Variants in EVL observed in about 807,000 individuals in gnomAD.
EVL encodes ena/VASP-like protein.
In EVL, 21 loss-of-function variants were observed where a neutral mutation model predicts 59.6. The ratio of observed to expected loss-of-function variants is 0.35; its 90% CI spans 0.25 to 0.51. The LOEUF (loss-of-function observed/expected upper bound fraction) is 0.51. EVL is among the 20% of genes least tolerant of loss of function. The pLI is 0.97. For synonymous variants in EVL, 198 were observed against 203.5 expected (o/e 0.97, Z 0.23); for missense variants, 462 against 546.6 (o/e 0.85, Z 1.54).
chr14:100,081,513 CAAAAAAAAA>C (rs34871876), intron 1 of EVL, among the ~76,000 whole-genome samples: 1 of 122,424 alleles, frequency 8.2e-6, no homozygotes, highest in African/African-American at 2.9e-5. Context: ...TTAACAACAG[CAAAAAAAAA>C]AAAAAAAAAG....
chr14:100,014,554 C>T (rs2140195151), intron 1 of EVL, among the ~76,000 whole-genome samples: 2 of 152,288 alleles, frequency 1.3e-5, no homozygotes, highest in Middle Eastern at 6.8e-3. Context: ...TAGGTTGCTT[C>T]CAAATCTTGG....
At chr14:100,102,382 A>G (rs1886278080) in intron 3 of EVL, 1 of 455,928 alleles carries the variant, frequency 2.2e-6, no homozygotes, top group African/African-American at 2.0e-5. Context: ...GTCATGTGGT[A>G]TGTTCCAGGC....
At chr14:100,043,787 A>T (rs1270357215) in intron 1 of EVL, among the ~76,000 whole-genome samples, 1 of 151,158 alleles carries the variant, frequency 6.6e-6, no homozygotes, top group Non-Finnish European at 1.5e-5. Context: ...TAATTTTTAA[A>T]TTTTTTTGTA....
At chr14:100,065,554 G>T in intron 1 of EVL, 43 bp downstream of exon 1, 1 of 1,262,812 alleles carries the variant, frequency 7.9e-7, no homozygotes, top group South Asian at 1.6e-5. Context: ...GATGTCAAGA[G>T]GAAACCTAGA....
At chr14:100,100,251 A>G (rs1886123573) in intron 3 of EVL, among the ~76,000 whole-genome samples, 1 of 152,028 alleles carries the variant, frequency 6.6e-6, no homozygotes, top group Admixed American at 6.6e-5. Flanking sequence ...GGGAGACATC[A>G]GCTAGTTTGG....
At chr14:100,110,158 A>C (rs1254372222) in intron 3 of EVL, among the ~76,000 whole-genome samples, 1 of 152,208 alleles carries the variant, frequency 6.6e-6, no homozygotes, top group East Asian at 1.9e-4. Flanking sequence ...GGATCACTTC[A>C]GTGTGAGAGT....
chr14:100,003,722 A>G (rs889223798), intron 1 of EVL, among the ~76,000 whole-genome samples: 3 of 152,184 alleles, frequency 2.0e-5, no homozygotes, highest in Non-Finnish European at 2.9e-5. Flanking sequence ...CCTGGCCGAT[A>G]ACCTTAATTA....
Position 100,130,567 on chromosome 14 carries a change from A to G in EVL, c.839+883A>G, listed in dbSNP as rs1018241623. ...TCCTGGCCCTCCCAGCTGCCTTCCA[A>G]TTGGCTGACCCAAGTGAGAACTCTG... is the stretch of plus-strand genomic sequence containing the variant. On this transcript the variant is annotated intron_variant, in intron 7 of 13. Transcript: ENST00000392920. The surrounding 1 kb of genome is among the most constrained non-coding windows in gnomAD (Gnocchi z 4.8). Among the ~76,000 whole-genome samples the G allele has an allele frequency of 7.2e-5, 11 of 152,080 alleles. No individual in the cohort carries two copies. The highest frequency in any genetic ancestry group is 4.6e-4 in the Admixed American group (7 of 15,256).
intron 1 of EVL, chr14:100,019,543 T>C: frequency 3.8e-6 from 3 of 795,734 alleles, no homozygotes; most frequent in Non-Finnish European, 5.8e-6. Context: ...CTTCAGAATA[T>C]TGGGGGGTGT....
chr14:100,076,520 C>T (rs563447796), intron 1 of EVL, among the ~76,000 whole-genome samples: 1 of 152,278 alleles, frequency 6.6e-6, no homozygotes, highest in South Asian at 2.1e-4. Flanking sequence ...TGATGGTAGG[C>T]ACAGGACCAT....
intron 2 of EVL, chr14:100,085,196 G>A: frequency 1.1e-5 from 2 of 181,186 alleles, no homozygotes; most frequent in South Asian, 1.5e-4. Context: ...TCATATGTAA[G>A]GTAGCTATTA....
At chr14:100,014,753 A>G (rs1179156914) in intron 1 of EVL, among the ~76,000 whole-genome samples, 1 of 152,204 alleles carries the variant, frequency 6.6e-6, no homozygotes, top group Non-Finnish European at 1.5e-5. Context: ...GAAGGGAGTA[A>G]GACAGGCAGG....
rs1334450479 is a variant in EVL, at chr14:100,127,263, AAGG to A, written c.487+495_487+497del. ...ACGTTCGGTGGAGCTTAGCACGTTA[AAGG>A]AGAAGGACGAGGGTTTTCCAGAAAT... On this transcript the variant is annotated intron_variant, in intron 5 of 13. Transcript: ENST00000392920. This position sits in a 1 kb window ranked among gnomAD's most constrained non-coding sequence, Gnocchi z 4.2. Among the ~76,000 whole-genome samples, 1 of 152,238 alleles carries A rather than the reference AAGG, an allele frequency of 6.6e-6. No homozygotes were observed. Among genetic ancestry groups the A allele is most frequent in the Non-Finnish European group, 1.5e-5 (1 of 68,042 alleles).
chr14:100,136,570 G>A (rs1278345098), intron 9 of EVL, among the ~76,000 whole-genome samples: 1 of 152,124 alleles, frequency 6.6e-6, no homozygotes, highest in Non-Finnish European at 1.5e-5. Flanking sequence ...TGCCAGGCCT[G>A]TGCTCATGAG....
exon 1 of EVL, chr14:99,971,742 C>G (rs1052872474): frequency 2.8e-5 from 4 of 143,364 alleles, no homozygotes; most frequent in African/African-American, 5.1e-5. Context: ...TCGCCCCCCG[C>G]CCCCCCATCC....
intron 1 of EVL, among the ~76,000 whole-genome samples, chr14:100,011,583 A>C (rs1330619084): frequency 6.6e-6 from 1 of 152,230 alleles, no homozygotes; most frequent in African/African-American, 2.4e-5. Context: ...TAATGAGTAC[A>C]TATTGAGCAT....
At chr14:100,080,362 A>G (rs2062270534) in intron 1 of EVL, among the ~76,000 whole-genome samples, 1 of 152,242 alleles carries the variant, frequency 6.6e-6, no homozygotes, top group Admixed American at 6.5e-5. Flanking sequence ...AAGCAGCGAC[A>G]GGACAAAGAT....
intron 1 of EVL, among the ~76,000 whole-genome samples, chr14:100,054,495 C>A (rs1004803031): frequency 1.3e-5 from 2 of 152,078 alleles, no homozygotes; most frequent in South Asian, 4.1e-4. Context: ...GAGTCCATAC[C>A]CCAGCCACTT....
chr14:100,097,571 G>A lies in EVL; in HGVS notation c.271G>A (p.Gly91Ser). The change falls in exon 3 of 14, where the codon GGC (glycine) becomes AGC (serine). Residue 91 changes from glycine to serine, a missense_variant. Transcript: ENST00000392920. ...GTGGCGAGATGCCCGCCAGGTCTAC[G>A]GCTTAAACTTTGCAAGTAAAGAAGA... The part of the protein sequence containing the change: ...HQWRDARQVY[G>S]LNFASKEEAT... The A allele has an allele frequency of 6.2e-7, 1 of 1,614,178 alleles. No homozygotes were observed. Among genetic ancestry groups the A allele is most frequent in the Non-Finnish European group, 8.5e-7 (1 of 1,180,034 alleles).
Sources: allele counts gnomAD v4.1 joint callset (sites outside exome capture counted in the v4.1 genomes callset), GRCh38; gene constraint gnomAD v4.1.1; non-coding constraint Gnocchi (gnomAD v3.1); transcripts MANE v1.5; gene names NCBI Gene and HGNC (gene_info 2026-07-23, HGNC 2026-07-21).